The following SIGIRR variants were observed in gnomAD, a reference collection of about 807,000 sequenced individuals.
SIGIRR encodes the protein single Ig IL-1-related receptor.
Under a neutral mutation model 45.6 loss-of-function variants are expected in SIGIRR, and 41 were observed. That is an observed-to-expected ratio of 0.90 (90% CI 0.70 to 1.17). The LOEUF is 1.17. Among genes scored for constraint, SIGIRR ranks in the 50% most tolerant of loss-of-function variants. The pLI is 0.00. For synonymous variants in SIGIRR, 298 were observed against 239.0 expected (o/e 1.25, Z -2.28); for missense variants, 599 against 539.6 (o/e 1.11, Z -1.09).
In SIGIRR at chr11:406,439, C is replaced by T. The variant is rs1346518253; in HGVS notation, c.979G>A (p.Asp327Asn). ...EGDPQTQLQDDKDPMLILRGR... is the reference protein window; with the variant it reads ...EGDPQTQLQDNKDPMLILRGR... Reference sequence around the variant, plus strand: ...CGAAGAATCAGCATGGGGTCCTTGTCGTCCTGCAGCTGCGTCTGGGGGTCT... The same window carrying T: ...CGAAGAATCAGCATGGGGTCCTTGTTGTCCTGCAGCTGCGTCTGGGGGTCT... The change falls in exon 9 of 10, where the codon GAC (aspartate) becomes AAC (asparagine). Residue 327 changes from aspartate (D) to asparagine (N), a missense_variant. Physicochemically the swap from Asp to Asn is conservative, Grantham distance 23. Coordinates refer to ENST00000431843, the MANE Select transcript of SIGIRR (RefSeq NM_001135054.2). The T allele has an allele frequency of 1.2e-6, 2 of 1,612,638 alleles. No individual in the cohort carries two copies. Among genetic ancestry groups the T allele is most frequent in the Admixed American group, 3.3e-5 (2 of 60,012 alleles).
chr11:406,738 C>T lies in SIGIRR; in HGVS notation c.879+105G>A, dbSNP rs1279585195. 3 of 1,427,416 alleles carry T rather than the reference C, an allele frequency of 2.1e-6. No individual in the cohort carries two copies. The Admixed American group carries it at 8.5e-5, about 40-fold the overall frequency. 88.4% of individuals were successfully genotyped at this position (1,427,416 alleles called of 1,614,324 possible). A position where few individuals can be genotyped will look rare whatever the true frequency, so the allele number is the denominator to read the frequency against. On this transcript the variant is annotated intron_variant, in intron 8 of 9. Transcript: ENST00000431843. ...CTCCCCCCAGGGCCCATTCACAAAGCGTGGTGCCGCAGAGCTCCCCACGGA... is the reference window on the plus strand; with the variant it reads ...CTCCCCCCAGGGCCCATTCACAAAGTGTGGTGCCGCAGAGCTCCCCACGGA...
At chr11:410,318 TG>T (rs1847528496) in intron 1 of SIGIRR, among the ~76,000 whole-genome samples, 1 of 151,894 alleles carries the variant, frequency 6.6e-6, no homozygotes, top group Non-Finnish European at 1.5e-5. Context: ...GAACACTAGG[TG>T]GGACCCTGTC....
At position 406,863 on chromosome 11, in the gene SIGIRR, G is replaced by A. The variant is rs755244691; in HGVS notation, c.859C>T (p.Leu287Phe). 44 of 1,573,226 alleles carry A rather than the reference G, an allele frequency of 2.8e-5. No homozygotes were observed. Among genetic ancestry groups the A allele is most frequent in the Non-Finnish European group, 3.6e-5 (42 of 1,166,164 alleles). Residue 287 changes from leucine to phenylalanine, a missense_variant, in exon 8 of 10, where the codon CTC becomes TTC. Leu to Phe is a conservative substitution (Grantham distance 22). Transcript: ENST00000431843. ...CGCACCACGGAGCCGGGCCTCCAGA[G>A]CAGCAAGGTCACCAGGTGGCGGTGC... is the stretch of plus-strand genomic sequence containing the variant. ...RQHRHLVTLL[L>F]WRPGSVTPSS...
In SIGIRR at chr11:407,893, G is replaced by A. The variant is rs1026059327; in HGVS notation, c.405C>T (p.Ala135=). 1.2e-5 allele frequency: 19 copies of A among 1,612,332 alleles called. No homozygotes were observed. The highest frequency in any genetic ancestry group is 2.7e-5 in the African/African-American group (2 of 74,932). The change falls in exon 5 of 10, where the codon GCC becomes GCT. Residue 135 remains alanine, a synonymous_variant. Transcript: ENST00000431843. ...SLLVLLALLL[A]ALLYVKCRLN... The stretch of plus-strand genomic sequence containing the variant: ...GACGGCACTTGACATAGAGCAGGGC[G>A]GCCAGCAGCAGGGCCAGCAGGACCA...
intron 2 of SIGIRR, chr11:409,176 C>T (rs1011091418): frequency 1.2e-5 from 6 of 514,126 alleles, no homozygotes; most frequent in Non-Finnish European, 2.1e-5. Context: ...GCTGCTTGTC[C>T]ACCCAGGATG....
chr11:408,359 G>A (rs923198881), intron 3 of SIGIRR, among the ~76,000 whole-genome samples, 153 bp from the exon 4 acceptor site: 17 of 152,194 alleles, frequency 1.1e-4, no homozygotes, highest in Non-Finnish European at 2.4e-4. Flanking sequence ...GAACCTGGAG[G>A]GGATGCAGAT....
Position 407,900 on chromosome 11 carries a change from A to G in SIGIRR, c.398T>C (p.Leu133Pro), listed in dbSNP as rs762338399. The change falls in exon 5 of 10, where the codon CTG (leucine) becomes CCG (proline). Residue 133 changes from leucine to proline, a missense_variant. By Grantham distance (98) the Leu-to-Pro change is moderately conservative. Coordinates refer to ENST00000431843, the MANE Select transcript of SIGIRR (RefSeq NM_001135054.2). ...CTTGACATAGAGCAGGGCGGCCAGC[A>G]GCAGGGCCAGCAGGACCAGGAGGGA... ...LASLLVLLAL[L>P]LAALLYVKCR... 1 of 1,612,254 alleles carries G rather than the reference A, an allele frequency of 6.2e-7. No homozygotes were observed. The highest frequency in any genetic ancestry group is 2.2e-5 in the East Asian group (1 of 44,894).
chr11:414,078 T>TC (rs1847803317), intron 1 of SIGIRR, among the ~76,000 whole-genome samples: 3 of 47,482 alleles, frequency 6.3e-5, no homozygotes, highest in African/African-American at 1.0e-4. Context: ...CTGCACCCTC[T>TC]CCCTCCCCAC....
At chr11:406,229 C>G (rs1173927315) in intron 9 of SIGIRR, 120 bp downstream of exon 9, 2 of 1,540,574 alleles carry the variant, frequency 1.3e-6, no homozygotes, top group African/African-American at 2.7e-5. Flanking sequence ...TGCAGGGGCT[C>G]CCGGTGCCGG....
intron 7 of SIGIRR, 33 bp downstream of exon 7, chr11:407,029 G>C: frequency 1.3e-6 from 2 of 1,581,586 alleles, no homozygotes; most frequent in Non-Finnish European, 1.7e-6. Context: ...TGGGTGCTAC[G>C]CTGGGGCCCA....
Position 406,363 on chromosome 11 carries a change from G to C in SIGIRR, c.1055C>G (p.Pro352Arg), listed in dbSNP as rs1343668550. The C allele has an allele frequency of 2.5e-6, 4 of 1,612,390 alleles. No homozygotes were observed. Among genetic ancestry groups the C allele is most frequent in the Non-Finnish European group, 2.5e-6 (3 of 1,179,806 alleles). ...RALDSEVDPD[P>R]EGDLGVRGPV... ...GGCGGGCATACCCAGGTCGCCCTCA[G>C]GGTCCGGGTCCACCTCTGAGTCCAG... is the stretch of plus-strand genomic sequence containing the variant. Residue 352 changes from proline to arginine, a missense_variant, in exon 9 of 10, where the codon CCT becomes CGT. By Grantham distance (103) the Pro-to-Arg change is moderately radical. Transcript: ENST00000431843.
At chr11:409,075 G>C in intron 2 of SIGIRR, 182 bp from the exon 3 acceptor site, 2 of 634,898 alleles carry the variant, frequency 3.2e-6, no homozygotes, top group Non-Finnish European at 5.6e-6. Flanking sequence ...GTAGTGGCCA[G>C]GCTTTGGGTG....
chr11:406,401 A>G lies in SIGIRR; in HGVS notation c.1017T>C (p.Pro339=), dbSNP rs993950850. Reference sequence around the variant, plus strand: ...CCTCTGAGTCCAGGGCCCGGCCCTCAGGGACTCGGCCTCGAAGAATCAGCA... The same window carrying G: ...CCTCTGAGTCCAGGGCCCGGCCCTCGGGGACTCGGCCTCGAAGAATCAGCA... ...DPMLILRGRV[P]EGRALDSEVD... is the part of the protein sequence containing the mutation. The change falls in exon 9 of 10, where the codon CCT becomes CCC. Residue 339 remains proline (P), a synonymous_variant. Transcript: ENST00000431843. The G allele has an allele frequency of 1.2e-6, 2 of 1,612,672 alleles. No homozygotes were observed. Among genetic ancestry groups the G allele is most frequent in the Admixed American group, 3.3e-5 (2 of 60,032 alleles).
chr11:415,634 A>G (rs1409730046), upstream of SIGIRR, among the ~76,000 whole-genome samples: 1 of 152,210 alleles, frequency 6.6e-6, no homozygotes, highest in Non-Finnish European at 1.5e-5. The surrounding 1 kb of genome is among the most constrained non-coding windows in gnomAD (Gnocchi z 6.6). Context: ...ATGGGTGAGC[A>G]GTTACAAGGG....
Position 406,408 on chromosome 11 carries a change from C to T in SIGIRR, c.1010G>A (p.Arg337Gln). The change falls in exon 9 of 10, where the codon CGA becomes CAA. Residue 337 changes from arginine to glutamine, a missense_variant. By Grantham distance (43) the Arg-to-Gln change is conservative (BLOSUM62 1). Coordinates refer to ENST00000431843, the MANE Select transcript of SIGIRR (RefSeq NM_001135054.2). ...GTCCAGGGCCCGGCCCTCAGGGACT[C>T]GGCCTCGAAGAATCAGCATGGGGTC... is the stretch of plus-strand genomic sequence containing the variant. ...DKDPMLILRG[R>Q]VPEGRALDSE... 6.2e-7 allele frequency: 1 copy of T among 1,612,714 alleles called. No homozygotes were observed. The highest frequency in any genetic ancestry group is 8.5e-7 in the Non-Finnish European group (1 of 1,179,902).
At chr11:408,933 G>A (rs770532509) in intron 2 of SIGIRR, 40 bp from the exon 3 acceptor site, 2 of 1,586,274 alleles carry the variant, frequency 1.3e-6, no homozygotes, top group Non-Finnish European at 1.7e-6. Context: ...GTGCCAGGGT[G>A]CCTGGCCCCA....
upstream of SIGIRR, among the ~76,000 whole-genome samples, chr11:415,160 T>C (rs1227802940): frequency 2.0e-5 from 3 of 151,646 alleles, no homozygotes; most frequent in African/African-American, 7.3e-5. The surrounding 1 kb of genome is among the most constrained non-coding windows in gnomAD (Gnocchi z 6.6). Flanking sequence ...CTCCTTCCTC[T>C]GGAGCCCGCC....
Position 406,469 on chromosome 11 carries a change from C to T in SIGIRR, c.949G>A (p.Glu317Lys), listed in dbSNP as rs2133615591. 6.2e-7 allele frequency: 1 copy of T among 1,612,666 alleles called. No individual in the cohort carries two copies. The highest frequency in any genetic ancestry group is 2.2e-5 in the East Asian group (1 of 44,880). ...TGCAGCTGCGTCTGGGGGTCTCCTT[C>T]CACAGGCCTGTACTGCACCTTCCGC... is the stretch of plus-strand genomic sequence containing the variant. ...LPRKVQYRPV[E>K]GDPQTQLQDD... is the part of the protein sequence containing the mutation. Residue 317 changes from glutamate (E) to lysine (K), a missense_variant, in exon 9 of 10, where the codon GAA becomes AAA. Glu to Lys is a moderately conservative substitution (Grantham distance 56, BLOSUM62 1). Coordinates refer to ENST00000431843, the MANE Select transcript of SIGIRR (RefSeq NM_001135054.2).
At chr11:408,306 C>A in intron 3 of SIGIRR, 100 bp from the exon 4 acceptor site, 1 of 1,489,284 alleles carries the variant, frequency 6.7e-7, no homozygotes. Context: ...CAGAATTGGG[C>A]CTCCTGGGTG....
Sources: gnomAD v4.1 joint callset for allele counts (sites outside exome capture counted in the v4.1 genomes callset) on GRCh38, gnomAD v4.1.1 for gene constraint, Gnocchi (gnomAD v3.1) non-coding constraint, MANE v1.5 for transcripts, NCBI Gene and HGNC (gene_info 2026-07-23, HGNC 2026-07-21) for gene names.